The following ZNF436 variants were observed in gnomAD, a reference collection of about 807,000 sequenced individuals.
ZNF436 encodes the protein DNA-binding protein.
A neutral mutation model predicts 41.9 loss-of-function variants in ZNF436; 22 were observed. The ratio of observed to expected loss-of-function variants is 0.53; its 90% CI spans 0.38 to 0.75. The LOEUF (loss-of-function observed/expected upper bound fraction) is 0.75, where lower values mean the gene tolerates loss of function less well. Among genes scored for constraint, ZNF436 ranks in the 30% least tolerant of loss-of-function variants. ZNF436 has a pLI of 0.00. For missense variants in ZNF436, 506 were observed against 587.3 expected, an observed-to-expected ratio of 0.86 and a Z score of 1.43; for synonymous variants, 217 against 197.8, an observed-to-expected ratio of 1.10 and a Z score of -0.82.
At chr1:23,363,328 G>T in intron 3 of ZNF436, 107 bp from the exon 4 acceptor site, 1 of 901,672 alleles carries the variant, frequency 1.1e-6, no homozygotes, top group South Asian at 1.8e-5. Context: ...TCACTGTGTT[G>T]CCTTGGCTGG....
rs1261724559 is a variant in ZNF436 at position 23,369,501 on chromosome 1, C to T, written c.-196G>A. 1 of 531,892 alleles carries T rather than the reference C, an allele frequency of 1.9e-6. No individual in the cohort carries two copies. Among genetic ancestry groups the T allele is most frequent in the Admixed American group, 1.9e-5 (1 of 51,560 alleles). The allele number at this position is 531,892 out of a possible 1,614,324, so 32.9% of individuals were successfully genotyped here. Reference sequence around the variant, plus strand: ...GAGAGCACGGGCAGGTCCCGGAGGTCTCAGACCCGCAGGTAGATCTCGAAT... The same window carrying T: ...GAGAGCACGGGCAGGTCCCGGAGGTTTCAGACCCGCAGGTAGATCTCGAAT... On this transcript the variant is annotated 5_prime_UTR_variant, in exon 1 of 4. Transcript: ENST00000314011.
rs374901810 is a variant in ZNF436 at position 23,369,712 on chromosome 1, G to A, written c.-407C>T. On this transcript the variant is annotated 5_prime_UTR_variant, in exon 1 of 4. Transcript: ENST00000314011. ...CAGCTGGAGTTCCTCGGAACGGGAGGACTCGCAGCTCTCCCTTTCCCCAGC... is the reference window on the plus strand; with the variant it reads ...CAGCTGGAGTTCCTCGGAACGGGAGAACTCGCAGCTCTCCCTTTCCCCAGC... The A allele has an allele frequency of 7.1e-6, 3 of 425,260 alleles. No homozygotes were observed. The highest frequency in any genetic ancestry group is 1.5e-5 in the Non-Finnish European group (3 of 203,200). The allele number at this position is 425,260 out of a possible 1,614,324, so 26.3% of individuals were successfully genotyped here. A position where few individuals can be genotyped will look rare whatever the true frequency, so the allele number is the denominator to read the frequency against.
intron 1 of ZNF436, chr1:23,368,272 T>C (rs557467935): frequency 2.1e-6 from 1 of 470,336 alleles, no homozygotes; most frequent in South Asian, 2.7e-5. Context: ...GACAGCCCCC[T>C]GGCTGGGTCC....
rs74875402 is a variant in ZNF436, at chr1:23,363,164, A to G, written c.218T>C (p.Val73Ala). Residue 73 changes from valine to alanine, a missense_variant, in exon 4 of 4, where the codon GTA becomes GCA. By Grantham distance (64) the Val-to-Ala change is moderately conservative. Around this residue, in one of 2 missense-constraint regions of ZNF436, gnomAD observed 228 missense variants for 215.1 expected, o/e 1.06. Transcript: ENST00000314011. The stretch of plus-strand genomic sequence containing the variant: ...TCTTTCAGATGTAGTCCCAAATTGT[A>G]CATCTTCACTAATCTCTTGCTTGGG... ...VNPKQEISED[V>A]QFGTTSERPA... 2,416 of 1,614,042 alleles carry G rather than the reference A, an allele frequency of 1.5e-3. 33 individuals carry two copies. The African/African-American group carries it at 0.025, about 17-fold the overall frequency.
rs1041822172 is a variant in ZNF436, at chr1:23,362,071, T to C, written c.1311A>G (p.Gln437=). 2 of 1,613,846 alleles carry C rather than the reference T, an allele frequency of 1.2e-6. No individual in the cohort carries two copies. Among genetic ancestry groups the C allele is most frequent in the Non-Finnish European group, 1.7e-6 (2 of 1,179,924 alleles). ...FTQSSNLITH[Q]RVHTGEKPYE... ...AAGGTTTCTCTCCCGTGTGAACTCT[T>C]TGATGTGTGATGAGGTTGGAGCTCT... Residue 437 remains glutamine (Q), a synonymous_variant, in exon 4 of 4, where the codon CAA becomes CAG. Transcript: ENST00000314011.
In ZNF436 at chr1:23,363,072, T is replaced by C; in HGVS notation, c.310A>G (p.Arg104Gly). The change falls in exon 4 of 4, where the codon AGA becomes GGA. Residue 104 changes from arginine to glycine, a missense_variant. Arg to Gly is a moderately radical substitution (Grantham distance 125). Transcript: ENST00000314011. Reference protein sequence around the residue: ...EGFESGDRSERQWGDLTAEEW... With the variant: ...EGFESGDRSEGQWGDLTAEEW... The stretch of plus-strand genomic sequence containing the variant: ...TCTGCTGTTAAATCTCCCCATTGTC[T>C]TTCTGACCTATCTCCGCTTTCAAAG... 1 of 1,614,220 alleles carries C rather than the reference T, an allele frequency of 6.2e-7. No homozygotes were observed. Among genetic ancestry groups the C allele is most frequent in the Non-Finnish European group, 8.5e-7 (1 of 1,180,054 alleles).
chr1:23,364,995 G>T (rs1638326449), intron 3 of ZNF436, among the ~76,000 whole-genome samples: 1 of 152,162 alleles, frequency 6.6e-6, no homozygotes, highest in Non-Finnish European at 1.5e-5. Context: ...AGTAGCTCAG[G>T]CCTCTAATCC....
chr1:23,363,087 C>G lies in ZNF436; in HGVS notation c.295G>C (p.Gly99Arg). ...CCCCATTGTCTTTCTGACCTATCTC[C>G]GCTTTCAAAGCCCTCTTCACTTTCA... ...NPESEEGFES[G>R]DRSERQWGDL... The change falls in exon 4 of 4, where the codon GGA becomes CGA. Residue 99 changes from glycine to arginine, a missense_variant. This residue lies in a region of ZNF436 where 228 missense variants were observed against 215.1 expected (regional missense o/e 1.06). Coordinates refer to ENST00000314011, the MANE Select transcript of ZNF436 (RefSeq NM_001077195.2). 6.2e-7 allele frequency: 1 copy of G among 1,614,194 alleles called. No individual in the cohort carries two copies. The highest frequency in any genetic ancestry group is 8.5e-7 in the Non-Finnish European group (1 of 1,180,046).
rs1156899580 is a variant in ZNF436 at position 23,360,713 on chromosome 1, T to C, written c.*1256A>G. Reference sequence around the variant, plus strand: ...AATCGACCTATTTGTCTGGTCATTATCTTCCACAATTGACAAACACATACA... The same window carrying C: ...AATCGACCTATTTGTCTGGTCATTACCTTCCACAATTGACAAACACATACA... On this transcript the variant is annotated 3_prime_UTR_variant, in exon 4 of 4. Coordinates refer to ENST00000314011, the MANE Select transcript of ZNF436 (RefSeq NM_001077195.2). 1 of 152,684 alleles carries C rather than the reference T, an allele frequency of 6.5e-6. No homozygotes were observed. Among genetic ancestry groups the C allele is most frequent in the Non-Finnish European group, 1.5e-5 (1 of 68,046 alleles). The allele number at this position is 152,684 out of a possible 1,614,324, so 9.5% of individuals were successfully genotyped here.
In ZNF436 at chr1:23,369,527, T is replaced by C. The variant is rs746210991; in HGVS notation, c.-222A>G. The C allele has an allele frequency of 3.8e-6, 2 of 530,914 alleles. No individual in the cohort carries two copies. The highest frequency in any genetic ancestry group is 7.8e-6 in the Non-Finnish European group (2 of 257,674). The allele number at this position is 530,914 out of a possible 1,614,324, so 32.9% of individuals were successfully genotyped here. ...TCAGACCCGCAGGTAGATCTCGAAT[T>C]CGTAGACTTGCAGGCGAAGCCCAGA... On this transcript the variant is annotated 5_prime_UTR_variant, in exon 1 of 4. Coordinates refer to ENST00000314011, the MANE Select transcript of ZNF436 (RefSeq NM_001077195.2).
At chr1:23,365,283 C>A (rs1343304884) in intron 3 of ZNF436, among the ~76,000 whole-genome samples, 1 of 151,462 alleles carries the variant, frequency 6.6e-6, no homozygotes, top group Non-Finnish European at 1.5e-5. Context: ...GTAGTCCCAG[C>A]TACTCAGGAG....
chr1:23,361,858 G>A lies in ZNF436; in HGVS notation c.*111C>T, dbSNP rs970895949. 12 of 1,148,382 alleles carry A rather than the reference G, an allele frequency of 1.0e-5. No homozygotes were observed. Among genetic ancestry groups the A allele is most frequent in the Non-Finnish European group, 1.4e-5 (12 of 828,598 alleles). The allele number at this position is 1,148,382 out of a possible 1,614,324, so 71.1% of individuals were successfully genotyped here. A position where few individuals can be genotyped will look rare whatever the true frequency, so the allele number is the denominator to read the frequency against. ...GTCATCTCTGATGGTTTAAATCGTG[G>A]CCCACAACTAGGAGAGTATGATAAA... On this transcript the variant is annotated 3_prime_UTR_variant, in exon 4 of 4. Transcript: ENST00000314011.
rs1164906582 is a variant in ZNF436, at chr1:23,360,611, G to C, written c.*1358C>G. The C allele has an allele frequency of 1.3e-5, 2 of 152,514 alleles. No homozygotes were observed. Among genetic ancestry groups the C allele is most frequent in the African/African-American group, 4.8e-5 (2 of 41,446 alleles). 9.4% of individuals were successfully genotyped at this position (152,514 alleles called of 1,614,324 possible). A position where few individuals can be genotyped will look rare whatever the true frequency, so the allele number is the denominator to read the frequency against. The stretch of plus-strand genomic sequence containing the variant: ...GGGAGGATGGAAATACATTCCTACC[G>C]AGGTTCGTTAATTCCTTCTGACTAA... On this transcript the variant is annotated 3_prime_UTR_variant, in exon 4 of 4. Transcript: ENST00000314011.
chr1:23,362,438 A>C lies in ZNF436; in HGVS notation c.944T>G (p.Phe315Cys). 2 of 1,613,744 alleles carry C rather than the reference A, an allele frequency of 1.2e-6. No individual in the cohort carries two copies. The highest frequency in any genetic ancestry group is 1.7e-6 in the Non-Finnish European group (2 of 1,179,820). ...PYKCDECGKNFSQNSDLVRHR... is the reference protein window; with the variant it reads ...PYKCDECGKNCSQNSDLVRHR... Reference sequence around the variant, plus strand: ...ACGCACAAGGTCGGAGTTCTGACTGAAATTCTTCCCACACTCATCACACTT... The same window carrying C: ...ACGCACAAGGTCGGAGTTCTGACTGCAATTCTTCCCACACTCATCACACTT... The change falls in exon 4 of 4, where the codon TTC (phenylalanine) becomes TGC (cysteine). Residue 315 changes from phenylalanine to cysteine, a missense_variant. By Grantham distance (205) the Phe-to-Cys change is radical (BLOSUM62 -2). This residue lies in a region of ZNF436 where 278 missense variants were observed against 372.1 expected (regional missense o/e 0.75). Coordinates refer to ENST00000314011, the MANE Select transcript of ZNF436 (RefSeq NM_001077195.2).
Position 23,362,140 on chromosome 1 carries a change from C to G in ZNF436, c.1242G>C (p.Gly414=). ...ACTGCACACACTCGTAGGGCTTCTC[C>G]CCTGTGTGGGTTCTCTGATGTTTAA... The part of the protein sequence containing the change: ...DLIKHQRTHT[G]EKPYECVQCG... Residue 414 remains glycine, a synonymous_variant, in exon 4 of 4, where the codon GGG becomes GGC. Coordinates refer to ENST00000314011, the MANE Select transcript of ZNF436 (RefSeq NM_001077195.2). 1 of 1,614,052 alleles carries G rather than the reference C, an allele frequency of 6.2e-7. No individual in the cohort carries two copies.
intron 3 of ZNF436, among the ~76,000 whole-genome samples, chr1:23,364,173 C>G (rs1196560129): frequency 1.3e-5 from 2 of 152,120 alleles, no homozygotes; most frequent in East Asian, 3.8e-4. Context: ...ACTTGCCAAG[C>G]CTTCATCATT....
chr1:23,362,911 C>T lies in ZNF436; in HGVS notation c.471G>A (p.Gln157=). ...AGGGTCTGTCTCCAGTGTGGGTCTT[C>T]TGATGTCGATTAAGGTCTGAGATCT... ...FSQISDLNRH[Q]KTHTGDRPYK... The change falls in exon 4 of 4, where the codon CAG becomes CAA. Residue 157 remains glutamine, a synonymous_variant. Coordinates refer to ENST00000314011, the MANE Select transcript of ZNF436 (RefSeq NM_001077195.2). 1.2e-6 allele frequency: 2 copies of T among 1,614,192 alleles called. No individual in the cohort carries two copies. The highest frequency in any genetic ancestry group is 2.2e-5 in the East Asian group (1 of 44,890).
rs1271082219 is a variant in ZNF436 at position 23,368,035 on chromosome 1, A to G, written c.-30T>C. Reference sequence around the variant, plus strand: ...AGCACAAGGGTTCGCCTCCAGGGAGAGAGAGCAGGAAAAGCAGCTAGCAGA... The same window carrying G: ...AGCACAAGGGTTCGCCTCCAGGGAGGGAGAGCAGGAAAAGCAGCTAGCAGA... On this transcript the variant is annotated 5_prime_UTR_variant, in exon 2 of 4. Transcript: ENST00000314011. The G allele has an allele frequency of 6.2e-7, 1 of 1,613,652 alleles. No individual in the cohort carries two copies. Among genetic ancestry groups the G allele is most frequent in the South Asian group, 1.1e-5 (1 of 91,044 alleles).
chr1:23,369,494 C>T lies in ZNF436; in HGVS notation c.-189G>A, dbSNP rs762771822. 13 of 531,608 alleles carry T rather than the reference C, an allele frequency of 2.4e-5. No individual in the cohort carries two copies. In the East Asian group the frequency reaches 7.1e-4, roughly 29 times the overall value. The allele number at this position is 531,608 out of a possible 1,614,324, so 32.9% of individuals were successfully genotyped here. On this transcript the variant is annotated 5_prime_UTR_variant, in exon 1 of 4. Transcript: ENST00000314011. ...GATTCTAGAGAGCACGGGCAGGTCC[C>T]GGAGGTCTCAGACCCGCAGGTAGAT...
Sources: allele counts gnomAD v4.1 joint callset (sites outside exome capture counted in the v4.1 genomes callset), GRCh38; gene constraint gnomAD v4.1.1; regional missense constraint gnomAD v4.1.1; transcripts MANE v1.5; gene names NCBI Gene and HGNC (gene_info 2026-07-23, HGNC 2026-07-21).